Variants in STX12 observed in about 807,000 individuals in gnomAD.
STX12 encodes the protein syntaxin-12.
In STX12, 17 loss-of-function variants were observed where a neutral mutation model predicts 42.2. That is an observed-to-expected ratio of 0.40 (90% confidence interval 0.28 to 0.60). The LOEUF (loss-of-function observed/expected upper bound fraction) is 0.60. Ranked by LOEUF, STX12 falls within the 20% of genes least tolerant of loss-of-function variation. The pLI is 0.39. For missense variants in STX12, 297 were observed against 330.9 expected, an observed-to-expected ratio of 0.90 and a Z score of 0.79; for synonymous variants, 108 against 116.7, an observed-to-expected ratio of 0.93 and a Z score of 0.48.
intron 3 of STX12, among the ~76,000 whole-genome samples, chr1:27,799,493 T>G (rs2088812417): frequency 6.7e-6 from 1 of 150,256 alleles, no homozygotes; most frequent in South Asian, 2.1e-4. Context: ...TTTTTTGTTT[T>G]TTTTTTTGAG....
intron 1 of STX12, among the ~76,000 whole-genome samples, chr1:27,782,986 TG>T (rs1220402958): frequency 6.6e-6 from 1 of 152,168 alleles, no homozygotes; most frequent in Admixed American, 6.5e-5. Context: ...GTGTAAATAA[TG>T]TTTTTTTGTT....
chr1:27,778,065 T>C, intron 1 of STX12, among the ~76,000 whole-genome samples: 1 of 152,056 alleles, frequency 6.6e-6, no homozygotes, highest in East Asian at 1.9e-4. Context: ...CTCTCAGACA[T>C]ATATATTACC....
At chr1:27,806,157 A>C (rs1368031216) in intron 4 of STX12, among the ~76,000 whole-genome samples, 1 of 152,206 alleles carries the variant, frequency 6.6e-6, no homozygotes, top group Non-Finnish European at 1.5e-5. Flanking sequence ...ACAATGGTAG[A>C]TACAAGTCTT....
At chr1:27,815,384 T>C (rs950708069) in intron 6 of STX12, among the ~76,000 whole-genome samples, 5 of 152,214 alleles carry the variant, frequency 3.3e-5, no homozygotes, top group Admixed American at 1.3e-4. Context: ...AACTCTGACA[T>C]ACACATTCTA....
chr1:27,781,231 A>G (rs759493570), intron 1 of STX12, among the ~76,000 whole-genome samples: 12 of 151,904 alleles, frequency 7.9e-5, no homozygotes, highest in Non-Finnish European at 1.6e-4. Flanking sequence ...TTTAGTAGAG[A>G]CAGGGTTTCA....
chr1:27,815,158 C>G (rs565583173), intron 6 of STX12, among the ~76,000 whole-genome samples: 47 of 152,180 alleles, frequency 3.1e-4, no homozygotes, highest in African/African-American at 1.1e-3. Context: ...AATACTATGC[C>G]ATTTTATATC....
intron 1 of STX12, among the ~76,000 whole-genome samples, chr1:27,789,258 T>A (rs931781786): frequency 2.0e-4 from 31 of 152,334 alleles, no homozygotes; most frequent in African/African-American, 7.0e-4. Flanking sequence ...TAGAGGCCCT[T>A]CTAAAGGTGT....
At chr1:27,789,733 G>A in intron 2 of STX12, 102 bp downstream of exon 2, 1 of 800,872 alleles carries the variant, frequency 1.2e-6, no homozygotes, top group South Asian at 1.5e-5. Context: ...AAGTCAGAAT[G>A]AGAGGCAGTG....
At chr1:27,774,557 C>A (rs941097536) in intron 1 of STX12, among the ~76,000 whole-genome samples, 1 of 152,078 alleles carries the variant, frequency 6.6e-6, no homozygotes, top group African/African-American at 2.4e-5. Flanking sequence ...TGAAGTCTTG[C>A]TATGTTGGCC....
intron 1 of STX12, among the ~76,000 whole-genome samples, chr1:27,783,386 G>A (rs2088680939): frequency 6.6e-6 from 1 of 152,182 alleles, no homozygotes; most frequent in African/African-American, 2.4e-5. Context: ...CGAGGCTGGA[G>A]TGCAGTGGCA....
intron 6 of STX12, among the ~76,000 whole-genome samples, chr1:27,813,336 C>T (rs1477158115): frequency 1.3e-5 from 2 of 152,074 alleles, no homozygotes; most frequent in African/African-American, 2.4e-5. Context: ...CCACCACACT[C>T]GGCTAATTTT....
intron 6 of STX12, among the ~76,000 whole-genome samples, chr1:27,814,939 AT>A (rs2088930833): frequency 6.6e-6 from 1 of 152,198 alleles, no homozygotes; most frequent in Non-Finnish European, 1.5e-5. Flanking sequence ...AAACTAAAAA[AT>A]AATACAACAA....
At chr1:27,800,640 T>C (rs2088821899) in intron 3 of STX12, among the ~76,000 whole-genome samples, 1 of 152,006 alleles carries the variant, frequency 6.6e-6, no homozygotes, top group Admixed American at 6.6e-5. Flanking sequence ...ATGATCCTCC[T>C]GCCCCAGCCT....
At chr1:27,813,345 T>G (rs1282577361) in intron 6 of STX12, among the ~76,000 whole-genome samples, 1 of 152,148 alleles carries the variant, frequency 6.6e-6, no homozygotes, top group Non-Finnish European at 1.5e-5. Flanking sequence ...TCGGCTAATT[T>G]TTGTATTTTT....
At chr1:27,778,655 C>T (rs2088643610) in intron 1 of STX12, among the ~76,000 whole-genome samples, 2 of 151,414 alleles carry the variant, frequency 1.3e-5, no homozygotes, top group Non-Finnish European at 2.9e-5. Context: ...CAAGATCGCT[C>T]CACTGCACTC....
intron 2 of STX12, among the ~76,000 whole-genome samples, chr1:27,791,238 G>A (rs1031433131): frequency 2.0e-5 from 3 of 152,144 alleles, no homozygotes; most frequent in African/African-American, 4.8e-5. Flanking sequence ...TCCAGCCTGG[G>A]TGACAAGAGC....
chr1:27,805,516 A>G (rs1049672659), intron 4 of STX12, among the ~76,000 whole-genome samples: 2 of 152,216 alleles, frequency 1.3e-5, no homozygotes. Context: ...TTTAACCTCC[A>G]TACTAAAGAT....
intron 1 of STX12, among the ~76,000 whole-genome samples, chr1:27,780,964 A>T (rs2088664316): frequency 1.3e-5 from 2 of 152,062 alleles, no homozygotes; most frequent in Admixed American, 6.6e-5. Context: ...GTCTCAAAAA[A>T]AAAAAGGGGG....
chr1:27,795,478 G>C (rs1383437608), intron 3 of STX12, among the ~76,000 whole-genome samples: 1 of 151,914 alleles, frequency 6.6e-6, no homozygotes, highest in Non-Finnish European at 1.5e-5. Flanking sequence ...GCTAATTTTT[G>C]TATTTTTAGT....
Sources: allele counts gnomAD v4.1 joint callset (sites outside exome capture counted in the v4.1 genomes callset), GRCh38; gene constraint gnomAD v4.1.1; transcripts MANE v1.5; gene names NCBI Gene and HGNC (gene_info 2026-07-23, HGNC 2026-07-21).